The following MYH4 variants were observed in gnomAD, a reference collection of about 807,000 sequenced individuals.
MYH4 encodes myosin-4.
In MYH4, 200 loss-of-function variants were observed where a neutral mutation model predicts 229.9. That is an observed-to-expected ratio of 0.87 (90% CI 0.78 to 0.98). MYH4 has a LOEUF of 0.98. Among genes scored for constraint, MYH4 ranks in the 50% least tolerant of loss-of-function variants. The pLI is 0.00. For missense variants in MYH4, 2,148 were observed against 2,332.6 expected (o/e 0.92, Z 1.63); for synonymous variants, 761 against 834.6 (o/e 0.91, Z 1.52).
In MYH4 at chr17:10,466,270, C is replaced by T. The variant is rs764974290; in HGVS notation, c.348+3G>A. On this transcript the variant is annotated splice_donor_region_variant and intron_variant, in intron 4 of 39. Coordinates refer to ENST00000255381, the MANE Select transcript of MYH4 (RefSeq NM_017533.2). ...TGAGAAATAGCGTTGAAAGGGTGCT[C>T]ACGTAGATCATCCAGGCTGCGTAAC... 2.4e-5 allele frequency: 38 copies of T among 1,613,570 alleles called. No homozygotes were observed. Among genetic ancestry groups the T allele is most frequent in the Non-Finnish European group, 3.0e-5 (35 of 1,179,860 alleles).
At chr17:10,463,008 T>A (rs769874032) in intron 10 of MYH4, 40 bp from the exon 11 acceptor site, 2 of 1,602,172 alleles carry the variant, frequency 1.2e-6, no homozygotes, top group African/African-American at 2.7e-5. Flanking sequence ...ACAGCATTGC[T>A]TTGGTCATCA....
chr17:10,453,912 T>C (rs2072607841), intron 22 of MYH4, 27 bp from the exon 23 acceptor site: 1 of 1,612,932 alleles, frequency 6.2e-7, no homozygotes, highest in East Asian at 2.2e-5. Flanking sequence ...AGCATTTTCA[T>C]TTGTCTGAGC....
At position 10,450,517 on chromosome 17, in the gene MYH4, C is replaced by T. The variant is rs2072560664; in HGVS notation, c.4117G>A (p.Ala1373Thr). 14 of 1,614,122 alleles carry T rather than the reference C, an allele frequency of 8.7e-6. No individual in the cohort carries two copies. The highest frequency in any genetic ancestry group is 6.7e-5 in the East Asian group (3 of 44,888). ...GTCTCGTACTTGGTCCTCCACTGGG[C>T]AACCTCACTGTTGGCCTTGGACATT... Reference protein sequence around the residue: ...RGMSKANSEVAQWRTKYETDA... With the variant: ...RGMSKANSEVTQWRTKYETDA... The change falls in exon 30 of 40, where the codon GCC (alanine) becomes ACC (threonine). Residue 1373 changes from alanine to threonine, a missense_variant. Transcript: ENST00000255381.
At chr17:10,449,729 C>A (rs1388607732) in intron 30 of MYH4, among the ~76,000 whole-genome samples, 1 of 152,086 alleles carries the variant, frequency 6.6e-6, no homozygotes, top group Non-Finnish European at 1.5e-5. Context: ...ATTGCATTTC[C>A]CAAATTTCCT....
chr17:10,455,389 A>G, intron 19 of MYH4, 94 bp from the exon 20 acceptor site: 3 of 1,424,990 alleles, frequency 2.1e-6, no homozygotes, highest in Non-Finnish European at 1.9e-6. Flanking sequence ...ATGATAGATT[A>G]AGTTTTGGTG....
rs978890166 is a variant in MYH4 at position 10,463,641 on chromosome 17, C to G, written c.651G>C (p.Gly217=). The G allele has an allele frequency of 3.7e-6, 6 of 1,603,810 alleles. No individual in the cohort carries two copies. The highest frequency in any genetic ancestry group is 5.1e-6 in the Non-Finnish European group (6 of 1,175,594). ...KEEPASGKMQ[G]TLEDQIISAN... ...CACTGATGATTTGATCTTCAAGGGT[C>G]CCCTTAAGAGAAATGAATAAGACAG... The change falls in exon 8 of 40, where the codon GGG becomes GGC. Residue 217 remains glycine, a splice_region_variant and synonymous_variant. Coordinates refer to ENST00000255381, the MANE Select transcript of MYH4 (RefSeq NM_017533.2).
intron 17 of MYH4, 130 bp from the exon 18 acceptor site, chr17:10,456,031 A>G: frequency 8.7e-7 from 1 of 1,149,322 alleles, no homozygotes; most frequent in Non-Finnish European, 1.3e-6. Context: ...CATAACAGAG[A>G]GGAATCATAT....
Position 10,464,695 on chromosome 17 carries a change from C to CGTA in MYH4, c.518_519insTAC (p.Gln173delinsHisThr). 6.2e-7 allele frequency: 1 copy of CGTA among 1,613,736 alleles called. No homozygotes were observed. Among genetic ancestry groups the CGTA allele is most frequent in the Non-Finnish European group, 8.5e-7 (1 of 1,179,712 alleles). On this transcript the variant is annotated protein_altering_variant, in exon 6 of 40. Coordinates refer to ENST00000255381, the MANE Select transcript of MYH4 (RefSeq NM_017533.2). ...AATCTACATACGTAATCAAGATTGA[C>CGTA]TGGTTTTCACGATCTGTAAAAGAGA...
In MYH4 at chr17:10,464,592, A is replaced by C. The variant is rs745841271; in HGVS notation, c.534-6T>G. On this transcript the variant is annotated splice_polypyrimidine_tract_variant and splice_region_variant and intron_variant, in intron 6 of 39. Transcript: ENST00000255381. ...TCCCTGCACCAGATTCTCCACTATCAAGTTCAAACAGAAGAAAAGGTCAGA... is the reference window on the plus strand; with the variant it reads ...TCCCTGCACCAGATTCTCCACTATCCAGTTCAAACAGAAGAAAAGGTCAGA... 1.2e-6 allele frequency: 2 copies of C among 1,614,102 alleles called. No individual in the cohort carries two copies. The highest frequency in any genetic ancestry group is 2.2e-5 in the South Asian group (2 of 91,062).
chr17:10,456,551 A>AC lies in MYH4; in HGVS notation c.1901dup (p.Gly635TrpfsTer27), dbSNP rs2072640658. On this transcript the variant is annotated frameshift_variant, in exon 17 of 40. Coordinates refer to ENST00000255381, the MANE Select transcript of MYH4 (RefSeq NM_017533.2). LOFTEE classifies it high-confidence loss of function. ...TTTTGCCACCTTTCTTTCCACCACC[A>AC]CCCTCTAAAAAACAAAATGGGAAAA... 1.9e-6 allele frequency: 3 copies of AC among 1,613,554 alleles called. No individual in the cohort carries two copies. Among genetic ancestry groups the AC allele is most frequent in the Non-Finnish European group, 2.5e-6 (3 of 1,179,776 alleles).
intron 16 of MYH4, among the ~76,000 whole-genome samples, chr17:10,456,815 A>T (rs1225103985): frequency 5.3e-5 from 8 of 152,072 alleles, no homozygotes; most frequent in Non-Finnish European, 1.0e-4. Context: ...AGGGGATGGG[A>T]CTCCCCTACT....
chr17:10,445,242 T>TGATG lies in MYH4; in HGVS notation c.5286_5289dup (p.Thr1764HisfsTer3). The stretch of plus-strand genomic sequence containing the variant: ...CAAATGCTCATCTTGCTTACATCAG[T>TGATG]GATGGCCTTCTTGGCCTTCTCCTCT... On this transcript the variant is annotated frameshift_variant, in exon 36 of 40. Coordinates refer to ENST00000255381, the MANE Select transcript of MYH4 (RefSeq NM_017533.2). LOFTEE classifies it high-confidence loss of function. 1 of 1,614,194 alleles carries TGATG rather than the reference T, an allele frequency of 6.2e-7. No homozygotes were observed. The highest frequency in any genetic ancestry group is 2.2e-5 in the East Asian group (1 of 44,886).
At chr17:10,464,622 A>G in intron 6 of MYH4, 36 bp from the exon 7 acceptor site, 7 of 1,613,412 alleles carry the variant, frequency 4.3e-6, no homozygotes, top group Non-Finnish European at 5.9e-6. Flanking sequence ...GTCAGAATCT[A>G]AGGTAGTAGT....
chr17:10,450,900 G>C lies in MYH4; in HGVS notation c.3866-5C>G, dbSNP rs1179077856. On this transcript the variant is annotated splice_region_variant and splice_polypyrimidine_tract_variant and intron_variant, in intron 28 of 39. Coordinates refer to ENST00000255381, the MANE Select transcript of MYH4 (RefSeq NM_017533.2). ...CTAGCTGTCGTGAAAACTCACCTGT[G>C]GAAGACAAAACATCAATGATTTAGT... 1 of 1,600,066 alleles carries C rather than the reference G, an allele frequency of 6.2e-7. No homozygotes were observed. Among genetic ancestry groups the C allele is most frequent in the Non-Finnish European group, 8.6e-7 (1 of 1,167,630 alleles).
At position 10,454,000 on chromosome 17, in the gene MYH4, T is replaced by A. The variant is rs142721532; in HGVS notation, c.2692-115A>T. 3.5e-4 allele frequency: 475 copies of A among 1,357,106 alleles called. 4 individuals are homozygous for A. In the African/African-American group the frequency reaches 5.7e-3, roughly 16 times the overall value. The allele number at this position is 1,357,106 out of a possible 1,614,324, so 84.1% of individuals were successfully genotyped here. ...CCTGTTTGGTCAACATGTATACCAG[T>A]TGCTAACTTTTAAAATGAAACAGAC... On this transcript the variant is annotated intron_variant, in intron 22 of 39. Coordinates refer to ENST00000255381, the MANE Select transcript of MYH4 (RefSeq NM_017533.2).
intron 7 of MYH4, 57 bp downstream of exon 7, chr17:10,464,415 G>T: frequency 3.5e-6 from 5 of 1,411,232 alleles, no homozygotes; most frequent in Non-Finnish European, 5.0e-6. Flanking sequence ...CTGTTGATGT[G>T]CACGTGGTTA....
At position 10,461,036 on chromosome 17, in the gene MYH4, C is replaced by T; in HGVS notation, c.1027G>A (p.Gly343Ser). 6.2e-7 allele frequency: 1 copy of T among 1,614,036 alleles called. No homozygotes were observed. Among genetic ancestry groups the T allele is most frequent in the Non-Finnish European group, 8.5e-7 (1 of 1,179,962 alleles). ...GCCACCTTTTCATCAGCAGTGAAAC[C>T]CAGGATGTCCACAGCACTCTGTCAA... ...MATDSAVDIL[G>S]FTADEKVAIY... The change falls in exon 12 of 40, where the codon GGT (glycine) becomes AGT (serine). Residue 343 changes from glycine to serine, a missense_variant. Gly to Ser is a moderately conservative substitution (Grantham distance 56). Coordinates refer to ENST00000255381, the MANE Select transcript of MYH4 (RefSeq NM_017533.2).
chr17:10,453,495 A>C (rs2072601449), intron 23 of MYH4, 148 bp downstream of exon 23: 1 of 1,544,188 alleles, frequency 6.5e-7, no homozygotes, highest in East Asian at 2.3e-5. Context: ...AGGTCAAGTA[A>C]GTACATTGAG....
chr17:10,448,586 A>G, intron 32 of MYH4, 32 bp downstream of exon 32: 1 of 1,610,526 alleles, frequency 6.2e-7, no homozygotes, highest in Non-Finnish European at 8.5e-7. Context: ...TCTCCCTACC[A>G]TTTTTGAAAT....
Sources: allele counts gnomAD v4.1 joint callset (sites outside exome capture counted in the v4.1 genomes callset), GRCh38; gene constraint gnomAD v4.1.1; transcripts MANE v1.5; gene names NCBI Gene and HGNC (gene_info 2026-07-23, HGNC 2026-07-21).